Variants in ZNF69 observed in about 807,000 individuals in gnomAD.
The protein encoded by ZNF69 is zinc finger protein 69, also known as ZNF3.
A neutral mutation model predicts 50.9 loss-of-function variants in ZNF69; 47 were observed. The observed-to-expected ratio is 0.92, with a 90% CI of 0.73 to 1.18. The LOEUF (loss-of-function observed/expected upper bound fraction) is 1.18, where lower values mean the gene tolerates loss of function less well. Ranked by LOEUF, ZNF69 falls within the 50% of genes most tolerant of loss-of-function variation. ZNF69 has a pLI of 0.00. For missense variants in ZNF69, 717 were observed against 675.1 expected (o/e 1.06, Z -0.69); for synonymous variants, 216 against 223.1 (o/e 0.97, Z 0.29).
chr19:11,980,145 C>A, the ZNF69 span: 3 of 746,176 alleles, frequency 4.0e-6, no homozygotes, highest in Non-Finnish European at 6.5e-6. Flanking sequence ...GGATAGAAAC[C>A]AAAGCAGGTG....
chr19:11,977,551 T>A, the ZNF69 span: 1 of 1,287,234 alleles, frequency 7.8e-7, no homozygotes, highest in Non-Finnish European at 1.1e-6. Context: ...CTTAGAATAT[T>A]TTCTCAAAAT....
the ZNF69 span, among the ~76,000 whole-genome samples, chr19:11,936,978 G>A: frequency 1.9e-4 from 29 of 152,228 alleles, no homozygotes; most frequent in East Asian, 1.2e-3. Flanking sequence ...TGTCAGGTTC[G>A]TCAAAGATCA....
intron 1 of ZNF69, among the ~76,000 whole-genome samples, chr19:11,893,735 G>A (rs1023766374): frequency 5.9e-5 from 9 of 152,050 alleles, no homozygotes; most frequent in African/African-American, 2.2e-4. Context: ...AGGGGAGTGG[G>A]GCCTCCCGAG....
At chr19:11,960,599 C>T in the ZNF69 span, among the ~76,000 whole-genome samples, 4 of 141,060 alleles carry the variant, frequency 2.8e-5, no homozygotes, top group Non-Finnish European at 4.5e-5. Flanking sequence ...CAGCAATGAG[C>T]GGTTTTTTTT....
chr19:11,898,385 CTTTT>C (rs745487579), intron 1 of ZNF69, among the ~76,000 whole-genome samples: 2 of 91,868 alleles, frequency 2.2e-5, no homozygotes, highest in East Asian at 2.8e-4. Context: ...TTCCTCCTGG[CTTTT>C]TTTTTTTTTT....
the ZNF69 span, among the ~76,000 whole-genome samples, chr19:11,929,679 A>G: frequency 6.8e-6 from 1 of 147,846 alleles, no homozygotes; most frequent in East Asian, 1.9e-4. Context: ...AAATTTTTCC[A>G]CACTTTCCAG....
chr19:11,974,008 T>C, the ZNF69 span, among the ~76,000 whole-genome samples: 6 of 152,192 alleles, frequency 3.9e-5, no homozygotes, highest in African/African-American at 1.2e-4. Flanking sequence ...GGATTTAGGC[T>C]ACCCCACCAG....
the ZNF69 span, among the ~76,000 whole-genome samples, chr19:11,923,557 A>G: frequency 4.0e-5 from 6 of 151,808 alleles, no homozygotes. Flanking sequence ...ATCCATCTCC[A>G]GCTCTCCACC....
chr19:11,975,674 AC>A, the ZNF69 span, among the ~76,000 whole-genome samples: 152,242 of 152,242 alleles, frequency 1, 76,121 homozygotes, highest in Non-Finnish European at 1. Flanking sequence ...GAGCCACCGC[AC>A]CCCGGCCTTT....
At chr19:11,913,320 C>CTTT in intron 4 of ZNF69, 4 of 470,674 alleles carry the variant, frequency 8.5e-6, no homozygotes, top group East Asian at 3.9e-5. Context: ...TGCCAGGCAT[C>CTTT]TTTTTTTTTT....
the ZNF69 span, chr19:11,978,574 T>G: frequency 6.2e-7 from 1 of 1,614,190 alleles, no homozygotes; most frequent in Non-Finnish European, 8.5e-7. Flanking sequence ...TTATATCTTA[T>G]CCATGAAAGA....
At position 11,905,743 on chromosome 19, in the gene ZNF69, G is replaced by A. The variant is rs199874784; in HGVS notation, c.1346G>A (p.Cys449Tyr). 1.9e-4 allele frequency: 314 copies of A among 1,613,592 alleles called. 1 individual carries two copies. Among genetic ancestry groups the A allele is most frequent in the Middle Eastern group, 4.9e-4 (3 of 6,082 alleles). Residue 449 changes from cysteine to tyrosine, a missense_variant, in exon 4 of 4, where the codon TGT becomes TAT. By Grantham distance (194) the Cys-to-Tyr change is radical. Coordinates refer to ENST00000429654, the MANE Select transcript of ZNF69 (RefSeq NM_001364730.1). ...GAGAAGCCCTATGAATGTCAGGAAT[G>A]TGGGAAAGCCTTCAGATCTATGAAG... ...TGEKPYECQE[C>Y]GKAFRSMKNL...
At chr19:11,898,208 A>T (rs1333271605) in intron 1 of ZNF69, among the ~76,000 whole-genome samples, 1 of 152,106 alleles carries the variant, frequency 6.6e-6, no homozygotes, top group Non-Finnish European at 1.5e-5. Flanking sequence ...CCAATATGTG[A>T]TATTTCATAT....
downstream of ZNF69, among the ~76,000 whole-genome samples, chr19:11,907,454 C>T (rs978651092): frequency 3.3e-5 from 5 of 152,130 alleles, no homozygotes; most frequent in Non-Finnish European, 5.9e-5. Flanking sequence ...AAGGGAAGCC[C>T]GTCAGACTAA....
At chr19:11,919,397 C>T in the ZNF69 span, among the ~76,000 whole-genome samples, 1 of 152,088 alleles carries the variant, frequency 6.6e-6, no homozygotes, top group Non-Finnish European at 1.5e-5. Context: ...CTGATTACAT[C>T]GTCTCCAAAG....
intron 3 of ZNF69, among the ~76,000 whole-genome samples, chr19:11,904,213 C>T (rs890527382): frequency 1.3e-5 from 2 of 152,054 alleles, no homozygotes; most frequent in African/African-American, 2.4e-5. Flanking sequence ...GGCAACATAA[C>T]GAGACCACAT....
At position 11,889,732 on chromosome 19, in the gene ZNF69, G is replaced by C. The variant is rs1004260038; in HGVS notation, c.63+1746G>C. 4.6e-5 allele frequency among the ~76,000 whole-genome samples: 7 copies of C among 152,154 alleles called. No individual in the cohort carries two copies. In the East Asian group the frequency reaches 1.3e-3, roughly 29 times the overall value. On this transcript the variant is annotated intron_variant, in intron 1 of 3. Coordinates refer to ENST00000429654, the MANE Select transcript of ZNF69 (RefSeq NM_001364730.1). ...TATAGGGAAAGAACAGTGGGCCCAG[G>C]GGACCGGCGCTCAACATGCGAGGAC...
chr19:11,969,681 C>T, the ZNF69 span, among the ~76,000 whole-genome samples: 1 of 152,208 alleles, frequency 6.6e-6, no homozygotes, highest in Non-Finnish European at 1.5e-5. Context: ...TGCAGCGTCT[C>T]AAATCCTCCA....
the ZNF69 span, chr19:11,950,590 G>A: frequency 2.0e-6 from 1 of 499,398 alleles, no homozygotes; most frequent in South Asian, 1.9e-5. Flanking sequence ...CGGCATGGAA[G>A]GGTTCACACT....
Sources: allele counts gnomAD v4.1 joint callset (sites outside exome capture counted in the v4.1 genomes callset), GRCh38; gene constraint gnomAD v4.1.1; transcripts MANE v1.5; gene names NCBI Gene and HGNC (gene_info 2026-07-23, HGNC 2026-07-21).